The following PAEP variants were observed in gnomAD, a reference collection of about 807,000 sequenced individuals.
The protein encoded by PAEP is progestagen associated endometrial protein.
A neutral mutation model predicts 23.0 loss-of-function variants in PAEP; 28 were observed. The ratio of observed to expected loss-of-function variants is 1.22; its 90% CI spans 0.90 to 1.67. The LOEUF is 1.67. PAEP is among the 40% of genes most tolerant of loss of function. The pLI is 0.00. For missense variants in PAEP, 209 were observed against 226.4 expected (o/e 0.92, Z 0.49); for synonymous variants, 103 against 92.4 (o/e 1.12, Z -0.66).
Position 135,564,273 on chromosome 9 carries a change from G to A in PAEP, c.340G>A (p.Asp114Asn), listed in dbSNP as rs971548557. 10 of 1,553,266 alleles carry A rather than the reference G, an allele frequency of 6.4e-6. No individual in the cohort carries two copies. The highest frequency in any genetic ancestry group is 1.7e-4 in the Middle Eastern group (1 of 5,954). Residue 114 changes from aspartate (D) to asparagine (N), a missense_variant, in exon 4 of 7, where the codon GAT (aspartate) becomes AAT (asparagine). Transcript: ENST00000479141. The part of the protein sequence containing the change: ...YTVANEATLL[D>N]TDYDNFLFLC... ...GGTGGCGAACGAGGCCACGCTGCTC[G>A]ATACTGACTACGACAATTTCCTGTT...
At chr9:135,562,036 C>T (rs912538503) in intron 1 of PAEP, 139 bp downstream of exon 1, 39 of 779,434 alleles carry the variant, frequency 5.0e-5, no homozygotes, top group Middle Eastern at 3.8e-4. Flanking sequence ...GCCCTCAGCC[C>T]TGCTCTCCAT....
intron 2 of PAEP, 96 bp from the exon 3 acceptor site, chr9:135,562,724 A>AC (rs1248909871): frequency 9.5e-7 from 1 of 1,048,502 alleles, no homozygotes; most frequent in Non-Finnish European, 1.5e-6. Flanking sequence ...TGCTCCTTGG[A>AC]CCCGGGGAAG....
In PAEP at chr9:135,562,909, C is replaced by T; in HGVS notation, c.310+16C>T. 1 of 1,604,732 alleles carries T rather than the reference C, an allele frequency of 6.2e-7. No individual in the cohort carries two copies. The highest frequency in any genetic ancestry group is 8.5e-7 in the Non-Finnish European group (1 of 1,171,476). On this transcript the variant is annotated intron_variant, in intron 3 of 6. Coordinates refer to ENST00000479141, the MANE Select transcript of PAEP (RefSeq NM_002571.4). ...AAGATCAACTGTGAGTGTCCCCAGG[C>T]CCCAAGGGCTGGCTCAGTGCTGGCA...
At chr9:135,565,186 A>G (rs1270717757) in intron 4 of PAEP, among the ~76,000 whole-genome samples, 1 of 152,208 alleles carries the variant, frequency 6.6e-6, no homozygotes, top group East Asian at 1.9e-4. Context: ...AGAGCGGAGC[A>G]GAGGGGGCCG....
At position 135,564,360 on chromosome 9, in the gene PAEP, T is replaced by C. The variant is rs1362015675; in HGVS notation, c.421+6T>C. On this transcript the variant is annotated splice_donor_region_variant and intron_variant, in intron 4 of 6. Transcript: ENST00000479141. ...CATGATGTGCCAGTACCTGGGTGGGTCTCACAGCACATGAGCTCAACGTGG... is the reference window on the plus strand; with the variant it reads ...CATGATGTGCCAGTACCTGGGTGGGCCTCACAGCACATGAGCTCAACGTGG... The C allele has an allele frequency of 1.9e-6, 3 of 1,549,720 alleles. No individual in the cohort carries two copies. In the South Asian group the frequency reaches 3.6e-5, roughly 18 times the overall value.
At chr9:135,565,138 A>G (rs1285660756) in intron 4 of PAEP, among the ~76,000 whole-genome samples, 1 of 152,188 alleles carries the variant, frequency 6.6e-6, no homozygotes, top group African/African-American at 2.4e-5. Flanking sequence ...GTGACGCTGT[A>G]GACACCATCC....
intron 4 of PAEP, 87 bp from the exon 5 acceptor site, chr9:135,565,323 G>T (rs180992237): frequency 1.8e-6 from 2 of 1,110,758 alleles, no homozygotes; most frequent in Admixed American, 1.7e-5. Context: ...CTCCTTCTCT[G>T]CCCTCCCTCC....
chr9:135,565,782 C>T lies in PAEP; in HGVS notation c.527-3C>T, dbSNP rs1484294618. 2 of 1,614,180 alleles carry T rather than the reference C, an allele frequency of 1.2e-6. No individual in the cohort carries two copies. The highest frequency in any genetic ancestry group is 3.3e-5 in the Admixed American group (2 of 60,036). On this transcript the variant is annotated splice_region_variant and splice_polypyrimidine_tract_variant and intron_variant, in intron 5 of 6. Transcript: ENST00000479141. The stretch of plus-strand genomic sequence containing the variant: ...ACCTCCACTGTCCCATCTCCTCCCA[C>T]AGAGCCGTGCCGTTTCTAGGTGAGC...
chr9:135,562,873 CA>C lies in PAEP; in HGVS notation c.293del (p.Lys98ArgfsTer38), dbSNP rs1832377013. 1 of 1,613,698 alleles carries C rather than the reference CA, an allele frequency of 6.2e-7. No homozygotes were observed. The highest frequency in any genetic ancestry group is 8.5e-7 in the Non-Finnish European group (1 of 1,179,654). ...GTCCTTGGAGAGAAGACTGAGAATC[CA>C]AAGAAGTTCAAGATCAACTGTGAGT... ...KKVLGEKTEN[P>X]KKFKINYTVA... On this transcript the variant is annotated frameshift_variant, in exon 3 of 7. Coordinates refer to ENST00000479141, the MANE Select transcript of PAEP (RefSeq NM_002571.4). LOFTEE classifies it high-confidence loss of function.
At chr9:135,564,953 T>C (rs1832509250) in intron 4 of PAEP, 3 of 864,446 alleles carry the variant, frequency 3.5e-6, no homozygotes, top group Non-Finnish European at 4.2e-6. Context: ...CTGAAACCTA[T>C]GATGCTGTCA....
At chr9:135,564,432 A>G (rs1443366220) in intron 4 of PAEP, 78 bp downstream of exon 4, 2 of 1,524,318 alleles carry the variant, frequency 1.3e-6, no homozygotes, top group Non-Finnish European at 1.8e-6. Flanking sequence ...TGGGGAGCTG[A>G]CAACTGGCTT....
intron 3 of PAEP, 112 bp downstream of exon 3, chr9:135,563,005 T>C: frequency 1.3e-6 from 1 of 793,632 alleles, no homozygotes; most frequent in Non-Finnish European, 2.2e-6. Flanking sequence ...GTCCCCACTC[T>C]CTCTGCTTCA....
chr9:135,566,046 C>T, intron 6 of PAEP: 1 of 565,796 alleles, frequency 1.8e-6, no homozygotes, highest in Non-Finnish European at 3.2e-6. Flanking sequence ...AGTCAGACCT[C>T]ATGCTTTCTT....
At chr9:135,562,015 G>C in intron 1 of PAEP, 118 bp downstream of exon 1, 1 of 859,606 alleles carries the variant, frequency 1.2e-6, no homozygotes. Flanking sequence ...TGGACGCCAT[G>C]ACGTCAGGAA....
At chr9:135,563,254 G>C (rs1200147688) in intron 3 of PAEP, among the ~76,000 whole-genome samples, 2 of 151,138 alleles carry the variant, frequency 1.3e-5, no homozygotes, top group Non-Finnish European at 3.0e-5. Context: ...AGGTGGATAT[G>C]TATACAGGTG....
chr9:135,562,945 G>A (rs557068458), intron 3 of PAEP, 52 bp downstream of exon 3: 53 of 1,426,728 alleles, frequency 3.7e-5, no homozygotes, highest in South Asian at 2.5e-4. Flanking sequence ...TGCTAGCCAC[G>A]CTCTCCCAGA....
chr9:135,565,683 C>G (rs987676682), intron 5 of PAEP, 102 bp from the exon 6 acceptor site: 23 of 1,463,614 alleles, frequency 1.6e-5, no homozygotes, highest in Non-Finnish European at 2.1e-5. Flanking sequence ...GGGTCCTGCC[C>G]TCTCCCACCA....
chr9:135,563,354 T>TTAGTTGAACAGGTGGGCAGGTGGA (rs1832409497), intron 3 of PAEP, among the ~76,000 whole-genome samples: 1 of 130,304 alleles, frequency 7.7e-6, no homozygotes. Flanking sequence ...GAGCAGGTGG[T>TTAGTTGAACAGGTGGGCAGGTGGA]TAGGTGAACA....
chr9:135,565,919 C>A, intron 6 of PAEP, 118 bp downstream of exon 6: 3 of 1,104,012 alleles, frequency 2.7e-6, no homozygotes, highest in Non-Finnish European at 4.2e-6. Flanking sequence ...GCTGACCCTA[C>A]AGGAATGAAC....
Sources: gnomAD v4.1 joint callset for allele counts (sites outside exome capture counted in the v4.1 genomes callset) on GRCh38, gnomAD v4.1.1 for gene constraint, MANE v1.5 for transcripts, NCBI Gene and HGNC (gene_info 2026-07-23, HGNC 2026-07-21) for gene names.